AHNAK: variants seen among roughly 807,000 people sequenced by gnomAD.
The protein encoded by AHNAK is AHNAK nucleoprotein.
A neutral mutation model predicts 37.8 loss-of-function variants in AHNAK; 23 were observed. That is an observed-to-expected ratio of 0.61 (90% confidence interval 0.44 to 0.86). The LOEUF is 0.86. Ranked by LOEUF, AHNAK falls within the 40% of genes least tolerant of loss-of-function variation. The probability of loss-of-function intolerance (pLI) is 0.00; values close to 1 mark genes in which losing one functional copy is unlikely to be tolerated. For missense variants in AHNAK, 7,411 were observed against 7,319.4 expected (o/e 1.01, Z -0.46); for synonymous variants, 2,481 against 2,636.3 (o/e 0.94, Z 1.80).
In AHNAK at chr11:62,519,807, A is replaced by AG; in HGVS notation, c.14609dup (p.Val4871CysfsTer3). 6.2e-7 allele frequency: 1 copy of AG among 1,614,192 alleles called. No homozygotes were observed. Among genetic ancestry groups the AG allele is most frequent in the Non-Finnish European group, 8.5e-7 (1 of 1,179,988 alleles). On this transcript the variant is annotated frameshift_variant, in exon 5 of 5. Transcript: ENST00000378024. LOFTEE classifies it low-confidence loss of function (END_TRUNC). ...TCAAAGTCCCTTCAACCTTAGGGAC[A>AG]GACACATCAAAATCTCCTTTTACTT...
chr11:62,437,746 G>T (rs1938207313), intron 5 of AHNAK, among the ~76,000 whole-genome samples: 1 of 152,146 alleles, frequency 6.6e-6, no homozygotes, highest in South Asian at 2.1e-4. Context: ...GCCAAACAAT[G>T]TTCCCAGTGG....
At chr11:62,479,119 G>T (rs886563926) in intron 5 of AHNAK, among the ~76,000 whole-genome samples, 6 of 150,876 alleles carry the variant, frequency 4.0e-5, no homozygotes, top group African/African-American at 1.5e-4. Flanking sequence ...AAGATAGTAG[G>T]ACAACTTTTC....
In AHNAK at chr11:62,528,134, C is replaced by T. The variant is rs777562888; in HGVS notation, c.6283G>A (p.Gly2095Ser). 2 of 1,611,946 alleles carry T rather than the reference C, an allele frequency of 1.2e-6. No homozygotes were observed. Among genetic ancestry groups the T allele is most frequent in the Non-Finnish European group, 1.7e-6 (2 of 1,179,512 alleles). ...DVEVPDVSLE[G>S]PEGKLKGPKL... ...GGGCCCTTCAGCTTCCCTTCTGGAC[C>T]TTCAAGGCTCACATCTGGGACTTCA... The change falls in exon 5 of 5, where the codon GGT (glycine) becomes AGT (serine). Residue 2095 changes from glycine (G) to serine (S), a missense_variant. Transcript: ENST00000378024.
rs762257004 is a variant in AHNAK at position 62,531,392 on chromosome 11, G to T, written c.3025C>A (p.Pro1009Thr). ...PKIKMPKFSM[P>T]SLKGEGPEFD... is the part of the protein sequence containing the mutation. The stretch of plus-strand genomic sequence containing the variant: ...TCTGGCCCCTCTCCTTTGAGGCTGG[G>T]CATGCTAAATTTGGGCATTTTAATC... Residue 1009 changes from proline (P) to threonine (T), a missense_variant, in exon 5 of 5, where the codon CCC becomes ACC. Transcript: ENST00000378024. The T allele has an allele frequency of 1.2e-6, 2 of 1,614,050 alleles. No individual in the cohort carries two copies. Among genetic ancestry groups the T allele is most frequent in the African/African-American group, 1.3e-5 (1 of 74,906 alleles).
In AHNAK at chr11:62,525,790, A is replaced by G. The variant is rs1209897237; in HGVS notation, c.8627T>C (p.Val2876Ala). ...GPEVDLKGPK[V>A]DIDVPDVNVQ... ...ATTAACATCTGGGACATCAATGTCCACTTTGGGGCCTTTGAGGTCAACTTC... is the reference window on the plus strand; with the variant it reads ...ATTAACATCTGGGACATCAATGTCCGCTTTGGGGCCTTTGAGGTCAACTTC... The change falls in exon 5 of 5, where the codon GTG (valine) becomes GCG (alanine). Residue 2876 changes from valine to alanine, a missense_variant. Physicochemically the swap from Val to Ala is moderately conservative, Grantham distance 64. Transcript: ENST00000378024. 3 of 1,613,540 alleles carry G rather than the reference A, an allele frequency of 1.9e-6. No homozygotes were observed. Among genetic ancestry groups the G allele is most frequent in the Non-Finnish European group, 2.5e-6 (3 of 1,179,942 alleles).
At chr11:62,488,836 G>A (rs1289393782) in intron 5 of AHNAK, among the ~76,000 whole-genome samples, 1 of 152,172 alleles carries the variant, frequency 6.6e-6, no homozygotes, top group Non-Finnish European at 1.5e-5. Flanking sequence ...CAGCATGGGA[G>A]AGCACAGAGA....
intron 5 of AHNAK, among the ~76,000 whole-genome samples, chr11:62,473,557 C>T (rs976628644): frequency 3.9e-5 from 6 of 152,024 alleles, no homozygotes; most frequent in East Asian, 1.9e-4. Context: ...TGGTGGCAGG[C>T]GCCTGTAGTC....
In AHNAK at chr11:62,526,486, G is replaced by A. The variant is rs1294261056; in HGVS notation, c.7931C>T (p.Pro2644Leu). Residue 2644 changes from proline (P) to leucine (L), a missense_variant, in exon 5 of 5, where the codon CCA (proline) becomes CTA (leucine). Transcript: ENST00000378024. ...TTTGAAGCCAGGCATGCTGAACTTT[G>A]GCATTTTCACCTTGGGCATCTTCAG... Reference protein sequence around the residue: ...WHLKMPKVKMPKFSMPGFKGE... With the variant: ...WHLKMPKVKMLKFSMPGFKGE... The A allele has an allele frequency of 1.9e-6, 3 of 1,612,760 alleles. No individual in the cohort carries two copies. Among genetic ancestry groups the A allele is most frequent in the Middle Eastern group, 1.7e-4 (1 of 6,054 alleles).
intron 1 of AHNAK, chr11:62,545,932 C>G (rs1941294353): frequency 6.6e-6 from 1 of 152,206 alleles, no homozygotes; most frequent in Non-Finnish European, 1.5e-5. Flanking sequence ...CCGCAGCGCA[C>G]CCCCCTCCTC....
intron 2 of AHNAK, 89 bp from the exon 3 acceptor site, chr11:62,536,187 AC>A: frequency 4.3e-6 from 6 of 1,402,812 alleles, no homozygotes; most frequent in Non-Finnish European, 5.7e-6. Context: ...GGCGCTGTGA[AC>A]TCCAGGGAGT....
Position 62,530,713 on chromosome 11 carries a change from T to C in AHNAK, c.3704A>G (p.Lys1235Arg). ...CACATCTGGGGCATCAATGTCCATT[T>C]TGGGTCCTTTGATTTCAACATCTGG... ...KVPDVEIKGPKMDIDAPDVEV... is the reference protein window; with the variant it reads ...KVPDVEIKGPRMDIDAPDVEV... Residue 1235 changes from lysine (K) to arginine (R), a missense_variant, in exon 5 of 5, where the codon AAA (lysine) becomes AGA (arginine). By Grantham distance (26) the Lys-to-Arg change is conservative. Coordinates refer to ENST00000378024, the MANE Select transcript of AHNAK (RefSeq NM_001620.3). 1 of 1,613,898 alleles carries C rather than the reference T, an allele frequency of 6.2e-7. No individual in the cohort carries two copies.
chr11:62,528,967 A>C lies in AHNAK; in HGVS notation c.5450T>G (p.Val1817Gly). The change falls in exon 5 of 5, where the codon GTC becomes GGC. Residue 1817 changes from valine to glycine, a missense_variant. Coordinates refer to ENST00000378024, the MANE Select transcript of AHNAK (RefSeq NM_001620.3). ...CTCCGCTTCCACAAAAGGACCTTTG[A>C]CATCAACTTGCGGCCCTCTGAGATC... ...EGDLRGPQVD[V>G]KGPFVEAEVP... is the part of the protein sequence containing the mutation. The C allele has an allele frequency of 6.2e-7, 1 of 1,614,162 alleles. No homozygotes were observed. Among genetic ancestry groups the C allele is most frequent in the Non-Finnish European group, 8.5e-7 (1 of 1,180,028 alleles).
intron 1 of AHNAK, among the ~76,000 whole-genome samples, chr11:62,544,904 A>G (rs1314822966): frequency 6.6e-6 from 1 of 152,022 alleles, no homozygotes; most frequent in Non-Finnish European, 1.5e-5. Flanking sequence ...CACAAAATCA[A>G]CCCAACACCT....
rs1940313648 is a variant in AHNAK at position 62,522,805 on chromosome 11, G to A, written c.11612C>T (p.Pro3871Leu). Residue 3871 changes from proline to leucine, a missense_variant, in exon 5 of 5, where the codon CCC becomes CTC. By Grantham distance (98) the Pro-to-Leu change is moderately conservative. Coordinates refer to ENST00000378024, the MANE Select transcript of AHNAK (RefSeq NM_001620.3). ...FKMPEMNIKA[P>L]KISMPDIDLN... The stretch of plus-strand genomic sequence containing the variant: ...ATCAATGTCAGGCATGGAGATCTTG[G>A]GGGCTTTGATGTTCATCTCAGGCAT... The A allele has an allele frequency of 6.2e-7, 1 of 1,613,816 alleles. No homozygotes were observed. The highest frequency in any genetic ancestry group is 2.2e-5 in the East Asian group (1 of 44,852).
chr11:62,541,896 G>T (rs1312367663), intron 1 of AHNAK: 1 of 152,224 alleles, frequency 6.6e-6, no homozygotes, highest in African/African-American at 2.4e-5. Flanking sequence ...GACCCCCGAG[G>T]ATGCAGCTGC....
Position 62,516,584 on chromosome 11 carries a change from A to C in AHNAK, c.*160T>G. The C allele has an allele frequency of 4.1e-6, 6 of 1,470,874 alleles. No individual in the cohort carries two copies. The highest frequency in any genetic ancestry group is 5.3e-6 in the Non-Finnish European group (6 of 1,122,286). 91.1% of individuals were successfully genotyped at this position (1,470,874 alleles called of 1,614,324 possible). On this transcript the variant is annotated 3_prime_UTR_variant, in exon 5 of 5. Transcript: ENST00000378024. ...TATCTGTATAGTTCCAGGAGCCTAC[A>C]GGCGGTCGGTTTTTCAGCGCTTGCC...
chr11:62,529,802 G>A lies in AHNAK; in HGVS notation c.4615C>T (p.Leu1539Phe), dbSNP rs767265897. Residue 1539 changes from leucine (L) to phenylalanine (F), a missense_variant, in exon 5 of 5, where the codon CTT becomes TTT. Physicochemically the swap from Leu to Phe is conservative, Grantham distance 22. Transcript: ENST00000378024. ...EVDMNLPKADLGVSGPKVDID... is the reference protein window; with the variant it reads ...EVDMNLPKADFGVSGPKVDID... ...TCCACCTTGGGTCCTGAAACACCAA[G>A]GTCAGCCTTGGGCAGGTTCATATCC... The A allele has an allele frequency of 6.2e-7, 1 of 1,613,750 alleles. No individual in the cohort carries two copies. The highest frequency in any genetic ancestry group is 8.5e-7 in the Non-Finnish European group (1 of 1,179,902).
rs998025507 is a variant in AHNAK at position 62,523,064 on chromosome 11, T to G, written c.11353A>C (p.Lys3785Gln). 19 of 1,614,014 alleles carry G rather than the reference T, an allele frequency of 1.2e-5. No individual in the cohort carries two copies. The Admixed American group carries it at 2.7e-4, about 23-fold the overall frequency. ...ACATCTGGAGCATTAATGTCCACTT[T>G]GGGGCCCTTGATGTCAACTTCAGGA... Reference protein sequence around the residue: ...KGPEVDIKGPKVDINAPDVDV... With the variant: ...KGPEVDIKGPQVDINAPDVDV... Residue 3785 changes from lysine to glutamine, a missense_variant, in exon 5 of 5, where the codon AAA (lysine) becomes CAA (glutamine). Coordinates refer to ENST00000378024, the MANE Select transcript of AHNAK (RefSeq NM_001620.3).
chr11:62,525,567 C>G lies in AHNAK; in HGVS notation c.8850G>C (p.Lys2950Asn). 6.2e-7 allele frequency: 1 copy of G among 1,613,304 alleles called. No homozygotes were observed. The change falls in exon 5 of 5, where the codon AAG (lysine) becomes AAC (asparagine). Residue 2950 changes from lysine to asparagine, a missense_variant. Physicochemically the swap from Lys to Asn is moderately conservative, Grantham distance 94. Coordinates refer to ENST00000378024, the MANE Select transcript of AHNAK (RefSeq NM_001620.3). ...EGPEGKLKGP[K>N]FKMPEMNIKA... ...TGATATTCATCTCTGGCATCTTGAA[C>G]TTGGGCCCTTTCAACTTTCCCTCTG...
Sources: gnomAD v4.1 joint callset for allele counts (sites outside exome capture counted in the v4.1 genomes callset) on GRCh38, gnomAD v4.1.1 for gene constraint, MANE v1.5 for transcripts, NCBI Gene and HGNC (gene_info 2026-07-23, HGNC 2026-07-21) for gene names.